The following PEBP4 variants were observed in gnomAD, a reference collection of about 807,000 sequenced individuals.
PEBP4 encodes phosphatidylethanolamine binding protein 4, also known as phosphatidylethanolamine-binding protein 4.
In PEBP4, 22 loss-of-function variants were observed where a neutral mutation model predicts 23.9. The ratio of observed to expected loss-of-function variants is 0.92; its 90% confidence interval spans 0.66 to 1.31. The LOEUF is 1.31. Ranked by LOEUF, PEBP4 falls within the 40% of genes most tolerant of loss-of-function variation. The pLI, the probability that PEBP4 is intolerant of heterozygous loss-of-function variation, is 0.00. For synonymous variants in PEBP4, 112 were observed against 99.3 expected, an observed-to-expected ratio of 1.13 and a Z score of -0.76; for missense variants, 324 against 281.7, an observed-to-expected ratio of 1.15 and a Z score of -1.07.
At chr8:22,919,220 A>G (rs1809147846) in intron 3 of PEBP4, among the ~76,000 whole-genome samples, 1 of 152,180 alleles carries the variant, frequency 6.6e-6, no homozygotes, top group African/African-American at 2.4e-5. Context: ...AGGGGAAGGA[A>G]GAACCCCTTG....
chr8:22,924,650 A>C, intron 2 of PEBP4: 1 of 985,220 alleles, frequency 1.0e-6, no homozygotes, highest in South Asian at 4.7e-5. Flanking sequence ...AAAAAGCAGG[A>C]CGCTTTGAGC....
At chr8:22,851,959 G>T (rs549621844) in intron 3 of PEBP4, among the ~76,000 whole-genome samples, 88 of 152,264 alleles carry the variant, frequency 5.8e-4, no homozygotes, top group African/African-American at 2.0e-3. Context: ...GGGCCAGCTG[G>T]GATCAGCTGT....
chr8:22,891,953 G>T (rs1448361499), intron 3 of PEBP4, among the ~76,000 whole-genome samples: 3 of 152,122 alleles, frequency 2.0e-5, no homozygotes, highest in African/African-American at 7.2e-5. Context: ...GGCGCCTGTA[G>T]TCCCAGCTAC....
At chr8:22,779,751 C>G (rs139490897) in intron 4 of PEBP4, among the ~76,000 whole-genome samples, 320 of 152,252 alleles carry the variant, frequency 2.1e-3, no homozygotes, top group African/African-American at 7.3e-3. Flanking sequence ...AGGAGACACT[C>G]AGCAGGGCTT....
intron 3 of PEBP4, among the ~76,000 whole-genome samples, chr8:22,843,378 C>T (rs1317238106): frequency 6.6e-6 from 1 of 152,198 alleles, no homozygotes; most frequent in African/African-American, 2.4e-5. Flanking sequence ...GAAGAAAGGC[C>T]AATCGAGGCA....
At chr8:22,741,110 GC>G (rs1804981500) in intron 4 of PEBP4, among the ~76,000 whole-genome samples, 1 of 152,196 alleles carries the variant, frequency 6.6e-6, no homozygotes, top group African/African-American at 2.4e-5. Flanking sequence ...GTGCGGGGCA[GC>G]CCCGGTGTGC....
chr8:22,902,631 C>T (rs552965726), intron 3 of PEBP4, among the ~76,000 whole-genome samples: 67 of 152,326 alleles, frequency 4.4e-4, no homozygotes, highest in African/African-American at 1.6e-3. Flanking sequence ...CAGCCCTGGA[C>T]CCGATGAATG....
intron 3 of PEBP4, among the ~76,000 whole-genome samples, chr8:22,825,251 C>T (rs1007099099): frequency 1.3e-5 from 2 of 152,214 alleles, no homozygotes; most frequent in Non-Finnish European, 2.9e-5. Flanking sequence ...TGAAGTTGGG[C>T]CCACCCACTT....
At chr8:22,894,214 A>G (rs1187296350) in intron 3 of PEBP4, among the ~76,000 whole-genome samples, 1 of 152,160 alleles carries the variant, frequency 6.6e-6, no homozygotes, top group African/African-American at 2.4e-5. Context: ...AGATGTTGGA[A>G]TAAGATGACT....
intron 4 of PEBP4, among the ~76,000 whole-genome samples, chr8:22,766,129 C>T (rs1181990856): frequency 6.6e-6 from 1 of 152,256 alleles, no homozygotes; most frequent in Non-Finnish European, 1.5e-5. Context: ...GCCTGTGTCT[C>T]CCTTCCTCAC....
chr8:22,721,938 A>C (rs1312744429), intron 6 of PEBP4, among the ~76,000 whole-genome samples: 2 of 152,052 alleles, frequency 1.3e-5, no homozygotes, highest in Non-Finnish European at 2.9e-5. Flanking sequence ...CTGCTTTTGC[A>C]ATCGCCCCTG....
At chr8:22,776,265 C>T (rs1441092916) in intron 4 of PEBP4, among the ~76,000 whole-genome samples, 4 of 152,192 alleles carry the variant, frequency 2.6e-5, no homozygotes, top group Non-Finnish European at 4.4e-5. Context: ...GCAAACCCTT[C>T]CCTTTCCCCT....
chr8:22,909,582 T>A (rs1808891109), intron 3 of PEBP4, among the ~76,000 whole-genome samples: 1 of 152,270 alleles, frequency 6.6e-6, no homozygotes, highest in African/African-American at 2.4e-5. Flanking sequence ...GTGGCTGGCT[T>A]CTTCCCAGGG....
chr8:22,784,907 A>G (rs1274498096), intron 4 of PEBP4, among the ~76,000 whole-genome samples: 1 of 152,012 alleles, frequency 6.6e-6, no homozygotes, highest in Non-Finnish European at 1.5e-5. Flanking sequence ...CGGAGGGGGG[A>G]CCGTCAGGAA....
intron 4 of PEBP4, among the ~76,000 whole-genome samples, chr8:22,804,866 C>T (rs1806463234): frequency 6.6e-6 from 1 of 152,166 alleles, no homozygotes; most frequent in African/African-American, 2.4e-5. Flanking sequence ...GCTGCAGCCA[C>T]ACCAGTCCCC....
intron 4 of PEBP4, among the ~76,000 whole-genome samples, chr8:22,748,870 GC>G (rs1314779085): frequency 6.6e-6 from 1 of 152,164 alleles, no homozygotes; most frequent in Middle Eastern, 3.2e-3. Flanking sequence ...GTGCGGACTT[GC>G]CTGGGGGAAG....
intron 4 of PEBP4, among the ~76,000 whole-genome samples, chr8:22,729,137 G>A (rs2128749113): frequency 6.6e-6 from 1 of 152,366 alleles, no homozygotes; most frequent in East Asian, 1.9e-4. Context: ...AAGGATAAGG[G>A]ATTGGAGAAT....
intron 2 of PEBP4, among the ~76,000 whole-genome samples, chr8:22,922,748 A>T (rs1427647764): frequency 6.6e-6 from 1 of 152,062 alleles, no homozygotes; most frequent in Non-Finnish European, 1.5e-5. Flanking sequence ...CATTCAAGCC[A>T]GAAAACCTCA....
chr8:22,919,270 G>C (rs1366585589), intron 3 of PEBP4, among the ~76,000 whole-genome samples: 1 of 152,172 alleles, frequency 6.6e-6, no homozygotes, highest in Non-Finnish European at 1.5e-5. Flanking sequence ...GGACCAGAAG[G>C]TCAGCCTTGG....
Sources: gnomAD v4.1 joint callset for allele counts (sites outside exome capture counted in the v4.1 genomes callset) on GRCh38, gnomAD v4.1.1 for gene constraint, MANE v1.5 for transcripts, NCBI Gene and HGNC (gene_info 2026-07-23, HGNC 2026-07-21) for gene names.